NTM: variants seen among roughly 807,000 people sequenced by gnomAD.
NTM encodes the protein neurotrimin.
In NTM, 13 loss-of-function variants were observed where a neutral mutation model predicts 42.1. The observed-to-expected ratio is 0.31, with a 90% CI of 0.20 to 0.49. The LOEUF is 0.49. Ranked by LOEUF, NTM falls within the 20% of genes least tolerant of loss-of-function variation. The pLI, the probability that NTM is intolerant of heterozygous loss-of-function variation, is 0.99. For synonymous variants in NTM, 187 were observed against 179.2 expected (o/e 1.04, Z -0.35); for missense variants, 373 against 452.8 (o/e 0.82, Z 1.60).
chr11:132,069,601 C>T (rs1180270497), intron 2 of NTM, among the ~76,000 whole-genome samples: 1 of 151,242 alleles, frequency 6.6e-6, no homozygotes, highest in East Asian at 2.0e-4. Context: ...GTCACACAGA[C>T]AAGTTAACAC....
At chr11:131,442,999 T>C (rs944522412) in intron 1 of NTM, among the ~76,000 whole-genome samples, 1 of 152,142 alleles carries the variant, frequency 6.6e-6, no homozygotes, top group Non-Finnish European at 1.5e-5. Context: ...AGATGCCCAG[T>C]AGTGGGAATG....
At chr11:132,102,026 T>A (rs144367556) in intron 2 of NTM, among the ~76,000 whole-genome samples, 52 of 152,310 alleles carry the variant, frequency 3.4e-4, no homozygotes, top group African/African-American at 1.2e-3. Flanking sequence ...TTGCAATGGA[T>A]CCGTTCAGTC....
intron 2 of NTM, among the ~76,000 whole-genome samples, chr11:131,988,186 G>A (rs1413709960): frequency 2.0e-5 from 3 of 152,168 alleles, no homozygotes; most frequent in Non-Finnish European, 4.4e-5. Flanking sequence ...ACTTATGGGG[G>A]TTCCACACTC....
intron 1 of NTM, among the ~76,000 whole-genome samples, chr11:131,434,475 C>T (rs1185317439): frequency 6.6e-6 from 1 of 152,180 alleles, no homozygotes; most frequent in African/African-American, 2.4e-5. Flanking sequence ...TTAATGATTG[C>T]CATTCTAACT....
chr11:131,579,335 G>A (rs1246166362), intron 1 of NTM, among the ~76,000 whole-genome samples: 1 of 152,182 alleles, frequency 6.6e-6, no homozygotes, highest in Non-Finnish European at 1.5e-5. Context: ...CTGATTGTAA[G>A]TTTCCCACAA....
chr11:131,715,204 A>C (rs1435761151), intron 1 of NTM, among the ~76,000 whole-genome samples: 1 of 152,238 alleles, frequency 6.6e-6, no homozygotes, highest in Admixed American at 6.5e-5. Flanking sequence ...AGTTCAGATT[A>C]TACAAGAGAA....
intron 1 of NTM, among the ~76,000 whole-genome samples, chr11:131,712,268 T>C (rs2077253268): frequency 1.3e-5 from 2 of 151,656 alleles, no homozygotes; most frequent in South Asian, 4.2e-4. Context: ...CACATAACCT[T>C]TGTTGTCTTT....
intron 1 of NTM, among the ~76,000 whole-genome samples, chr11:131,560,859 G>C (rs2056132495): frequency 6.6e-6 from 1 of 152,148 alleles, no homozygotes; most frequent in South Asian, 2.1e-4. Context: ...TGAAAGGAAG[G>C]CCCTTTCTCT....
intron 1 of NTM, among the ~76,000 whole-genome samples, chr11:131,433,683 G>A (rs996489797): frequency 6.6e-6 from 1 of 152,052 alleles, no homozygotes; most frequent in Non-Finnish European, 1.5e-5. Flanking sequence ...GTGCCTCTCT[G>A]ATTCCTACAT....
At chr11:132,096,925 G>A (rs1254561313) in intron 2 of NTM, among the ~76,000 whole-genome samples, 1 of 152,152 alleles carries the variant, frequency 6.6e-6, no homozygotes, top group African/African-American at 2.4e-5. Context: ...GGTTTCAGAG[G>A]ATGTTCTCTG....
intron 2 of NTM, among the ~76,000 whole-genome samples, chr11:131,936,079 T>C (rs1245236073): frequency 6.6e-6 from 1 of 152,078 alleles, no homozygotes; most frequent in Non-Finnish European, 1.5e-5. Context: ...AATATAAAAA[T>C]TGGTGTTGAG....
At chr11:131,484,820 C>T (rs1216212193) in intron 1 of NTM, among the ~76,000 whole-genome samples, 1 of 152,076 alleles carries the variant, frequency 6.6e-6, no homozygotes, top group Non-Finnish European at 1.5e-5. Flanking sequence ...AGACAGTGGG[C>T]CACACCCTGA....
intron 4 of NTM, among the ~76,000 whole-genome samples, chr11:132,275,752 A>ATATATACGTATATATATATATGTG (rs1565363427): frequency 3.7e-5 from 1 of 26,830 alleles, no homozygotes; most frequent in African/African-American, 1.9e-4. Context: ...ATATATGTGT[A>ATATATACGTATATATATATATGTG]TATATATATA....
At chr11:132,256,225 C>T (rs1189918784) in intron 4 of NTM, among the ~76,000 whole-genome samples, 2 of 152,256 alleles carry the variant, frequency 1.3e-5, no homozygotes, top group African/African-American at 2.4e-5. Context: ...TATTATTTTC[C>T]AAATCCCAGT....
intron 3 of NTM, among the ~76,000 whole-genome samples, chr11:132,155,950 C>T (rs1225542261): frequency 1.3e-5 from 2 of 152,214 alleles, no homozygotes; most frequent in African/African-American, 2.4e-5. Flanking sequence ...GGGCTGAGAG[C>T]GATGGCTGCA....
At chr11:131,653,044 T>C (rs1427846479) in intron 1 of NTM, among the ~76,000 whole-genome samples, 2 of 152,184 alleles carry the variant, frequency 1.3e-5, no homozygotes, top group African/African-American at 4.8e-5. Flanking sequence ...CACCCCGCTA[T>C]TTGACGAGCT....
At chr11:131,964,166 G>A (rs2062551541) in intron 2 of NTM, among the ~76,000 whole-genome samples, 1 of 152,160 alleles carries the variant, frequency 6.6e-6, no homozygotes, top group Non-Finnish European at 1.5e-5. Flanking sequence ...CATTAACCAA[G>A]GGAGCTGGAG....
At chr11:132,129,090 A>G (rs548573557) in intron 2 of NTM, among the ~76,000 whole-genome samples, 4 of 152,000 alleles carry the variant, frequency 2.6e-5, no homozygotes, top group Admixed American at 6.6e-5. Context: ...CCGCTGGAAA[A>G]GTGTAGTTTG....
chr11:132,077,086 A>C (rs1547895), intron 2 of NTM, among the ~76,000 whole-genome samples: 39,093 of 152,060 alleles, frequency 0.26, 5,346 homozygotes, highest in Middle Eastern at 0.35. Flanking sequence ...TTCACACTTT[A>C]CCTTACCCTA....
Sources: allele counts gnomAD v4.1 joint callset (sites outside exome capture counted in the v4.1 genomes callset), GRCh38; gene constraint gnomAD v4.1.1; transcripts MANE v1.5; gene names NCBI Gene and HGNC (gene_info 2026-07-23, HGNC 2026-07-21).